The following PDE1C variants were observed in gnomAD, a reference collection of about 807,000 sequenced individuals.
PDE1C encodes the protein dual specificity calcium/calmodulin-dependent 3',5'-cyclic nucleotide phosphodiesterase 1C.
PDE1C carries 62 observed loss-of-function variants against 93.1 expected under a neutral mutation model. That is an observed-to-expected ratio of 0.67 (90% CI 0.54 to 0.82). The LOEUF (loss-of-function observed/expected upper bound fraction) is 0.82, where lower values mean the gene tolerates loss of function less well. Among genes scored for constraint, PDE1C ranks in the 40% least tolerant of loss-of-function variants. PDE1C has a pLI of 0.00. For missense variants in PDE1C, 742 were observed against 884.6 expected, an observed-to-expected ratio of 0.84 and a Z score of 2.04; for synonymous variants, 325 against 310.1, an observed-to-expected ratio of 1.05 and a Z score of -0.50.
At chr7:32,251,617 A>C (rs1247322464) in intron 1 of PDE1C, among the ~76,000 whole-genome samples, 1 of 151,618 alleles carries the variant, frequency 6.6e-6, no homozygotes, top group African/African-American at 2.4e-5. Flanking sequence ...GTCTCTCCCC[A>C]CCCTGCCCCC....
intron 1 of PDE1C, among the ~76,000 whole-genome samples, chr7:32,323,466 A>C (rs1221687476): frequency 6.6e-6 from 1 of 152,196 alleles, no homozygotes; most frequent in African/African-American, 2.4e-5. Context: ...GAAGGAGCCC[A>C]GACCTAGGTG....
intron 3 of PDE1C, among the ~76,000 whole-genome samples, chr7:32,090,213 C>T (rs1002834181): frequency 3.9e-5 from 6 of 152,148 alleles, no homozygotes; most frequent in Admixed American, 1.3e-4. Flanking sequence ...AACACTCCTA[C>T]ATTTATCTCC....
chr7:31,861,903 C>T (rs1039154893), intron 7 of PDE1C, among the ~76,000 whole-genome samples: 1 of 152,164 alleles, frequency 6.6e-6, no homozygotes, highest in Non-Finnish European at 1.5e-5. Flanking sequence ...AACTCATTAG[C>T]GTGGCCTGTA....
In PDE1C at chr7:31,910,209, C is replaced by T. The variant is rs1801060553; in HGVS notation, c.129-29349G>A. 3.9e-5 allele frequency among the ~76,000 whole-genome samples: 6 copies of T among 152,176 alleles called. No individual in the cohort carries two copies. In the South Asian group the frequency reaches 1.2e-3, roughly 32 times the overall value. ...TTTCCCTGAAGATGGTCCTTTTCCC[C>T]AATTTCTTCCTTGACTCTTACTCTT... is the stretch of plus-strand genomic sequence containing the variant. On this transcript the variant is annotated intron_variant, in intron 2 of 17. Coordinates refer to ENST00000396191, the MANE Select transcript of PDE1C (RefSeq NM_001191057.4).
chr7:31,724,983 A>T, the PDE1C span, among the ~76,000 whole-genome samples: 1 of 152,148 alleles, frequency 6.6e-6, no homozygotes, highest in African/African-American at 2.4e-5. Context: ...CCATTTAAAA[A>T]TCCTATGCCA....
intron 5 of PDE1C, among the ~76,000 whole-genome samples, chr7:31,876,556 A>C (rs552070598): frequency 7.6e-4 from 116 of 152,314 alleles, no homozygotes; most frequent in African/African-American, 2.6e-3. Flanking sequence ...TTCCCGATAA[A>C]GGAAAAAATT....
At chr7:32,327,392 G>A (rs1783423726) in intron 1 of PDE1C, among the ~76,000 whole-genome samples, 1 of 152,068 alleles carries the variant, frequency 6.6e-6, no homozygotes, top group East Asian at 1.9e-4. Context: ...AGCATCCCAG[G>A]AGCCCTCTCA....
intron 2 of PDE1C, among the ~76,000 whole-genome samples, chr7:31,968,892 A>G (rs1810468627): frequency 1.3e-5 from 2 of 152,238 alleles, no homozygotes; most frequent in Admixed American, 1.3e-4. Flanking sequence ...AGGATTCCCT[A>G]TTTAATAAAT....
chr7:31,895,626 T>C (rs972492769), intron 2 of PDE1C, among the ~76,000 whole-genome samples: 1 of 133,428 alleles, frequency 7.5e-6, no homozygotes, highest in Admixed American at 7.4e-5. Context: ...CTCTCTGATA[T>C]GGTTTGGCTG....
At chr7:32,184,824 C>A (rs983344563) in intron 2 of PDE1C, among the ~76,000 whole-genome samples, 1 of 151,956 alleles carries the variant, frequency 6.6e-6, no homozygotes, top group Non-Finnish European at 1.5e-5. Flanking sequence ...AAATAAACAA[C>A]TTCTTGGCCG....
chr7:32,248,616 A>G (rs1190597839), intron 1 of PDE1C, among the ~76,000 whole-genome samples: 3 of 152,246 alleles, frequency 2.0e-5, no homozygotes, highest in Admixed American at 2.0e-4. Context: ...AGCTCTGCAG[A>G]GACCTAGAAG....
the PDE1C span, among the ~76,000 whole-genome samples, chr7:31,633,589 G>T: frequency 6.6e-6 from 1 of 152,196 alleles, no homozygotes; most frequent in Non-Finnish European, 1.5e-5. Context: ...ACCGCCCATT[G>T]TCCTGAAGTC....
chr7:32,149,614 T>C (rs554065949), intron 3 of PDE1C, among the ~76,000 whole-genome samples: 1 of 152,318 alleles, frequency 6.6e-6, no homozygotes, highest in African/African-American at 2.4e-5. Flanking sequence ...ACATTTATAA[T>C]TTTTTTATAT....
chr7:31,995,834 C>CA (rs1017482971), intron 2 of PDE1C, among the ~76,000 whole-genome samples: 16 of 151,976 alleles, frequency 1.1e-4, no homozygotes, highest in East Asian at 1.9e-4. Flanking sequence ...CCATTCAGGC[C>CA]AAAAAAATGC....
chr7:31,952,253 C>CTTTTTT (rs373643162), intron 2 of PDE1C, among the ~76,000 whole-genome samples: 2 of 149,200 alleles, frequency 1.3e-5, no homozygotes, highest in African/African-American at 4.9e-5. Flanking sequence ...AGAGAACTAC[C>CTTTTTT]TTTTTTTTTT....
intron 1 of PDE1C, among the ~76,000 whole-genome samples, chr7:32,361,071 C>G (rs1784129028): frequency 6.6e-6 from 1 of 152,190 alleles, no homozygotes; most frequent in Admixed American, 6.5e-5. Context: ...ACTTATTTAA[C>G]ACACAACTAT....
At chr7:32,186,167 A>G (rs1421776258) in intron 2 of PDE1C, among the ~76,000 whole-genome samples, 2 of 148,646 alleles carry the variant, frequency 1.3e-5, no homozygotes, top group African/African-American at 5.0e-5. Context: ...CAGTGGCGCA[A>G]TCTCGGCTCA....
chr7:31,990,058 C>T (rs1417587880), intron 2 of PDE1C, among the ~76,000 whole-genome samples: 1 of 152,206 alleles, frequency 6.6e-6, no homozygotes, highest in Non-Finnish European at 1.5e-5. Context: ...GCTACAGTCA[C>T]ATGTGCTATG....
At position 32,340,188 on chromosome 7, in the gene PDE1C, C is replaced by T. The variant is rs551523487; in HGVS notation, c.310+87634G>A. 2.6e-5 allele frequency among the ~76,000 whole-genome samples: 4 copies of T among 152,116 alleles called. No individual in the cohort carries two copies. In the South Asian group the frequency reaches 8.3e-4, roughly 32 times the overall value. ...GATCAGGGAGCAGGATGGTTGAAAT[C>T]TAGATTTCAGAGGTGGGGCAGTTAT... On this transcript the variant is annotated intron_variant, in intron 1 of 1. Transcript: ENST00000672256.
Sources: allele counts gnomAD v4.1 joint callset (sites outside exome capture counted in the v4.1 genomes callset), GRCh38; gene constraint gnomAD v4.1.1; transcripts MANE v1.5; gene names NCBI Gene and HGNC (gene_info 2026-07-23, HGNC 2026-07-21).